The following ZNF761 variants were observed in gnomAD, a reference collection of about 807,000 sequenced individuals.
ZNF761 encodes the protein zinc finger protein 761.
Under a neutral mutation model 59.9 loss-of-function variants are expected in ZNF761, and 43 were observed. The ratio of observed to expected loss-of-function variants is 0.72; its 90% CI spans 0.56 to 0.92. The LOEUF (loss-of-function observed/expected upper bound fraction) is 0.92. Among genes scored for constraint, ZNF761 ranks in the 40% least tolerant of loss-of-function variants. The pLI is 0.00. For synonymous variants in ZNF761, 294 were observed against 304.8 expected (o/e 0.96, Z 0.37); for missense variants, 850 against 906.1 (o/e 0.94, Z 0.79).
chr19:53,450,944 G>A (rs1045485728), intron 4 of ZNF761, among the ~76,000 whole-genome samples: 3 of 149,422 alleles, frequency 2.0e-5, no homozygotes, highest in African/African-American at 5.0e-5. Context: ...GCAGTGAGCC[G>A]ATTGCACCAC....
chr19:53,452,560 A>G (rs1370301460), intron 4 of ZNF761, among the ~76,000 whole-genome samples: 1 of 152,120 alleles, frequency 6.6e-6, no homozygotes, highest in Non-Finnish European at 1.5e-5. Context: ...CTCGGTCTCA[A>G]ACACAAACAA....
At position 53,455,949 on chromosome 19, in the gene ZNF761, T is replaced by G; in HGVS notation, c.1442T>G (p.Leu481Arg). The change falls in exon 5 of 5, where the codon CTT becomes CGT. Residue 481 changes from leucine to arginine, a missense_variant. Leu to Arg is a moderately radical substitution (Grantham distance 102, BLOSUM62 -2). Transcript: ENST00000684525. The part of the protein sequence containing the change: ...CDKAFRFKSN[L>R]ERHRRIHTGE... ...AAAGCTTTCCGTTTCAAATCAAACCTTGAAAGACATAGGAGAATTCATACT... is the reference window on the plus strand; with the variant it reads ...AAAGCTTTCCGTTTCAAATCAAACCGTGAAAGACATAGGAGAATTCATACT... 3.1e-6 allele frequency: 5 copies of G among 1,613,400 alleles called. No homozygotes were observed. The highest frequency in any genetic ancestry group is 4.2e-6 in the Non-Finnish European group (5 of 1,179,834).
At chr19:53,435,289 CTTTTTTTTTTTTTTTTTTTTT>C (rs368157010) in intron 1 of ZNF761, among the ~76,000 whole-genome samples, 1 of 53,590 alleles carries the variant, frequency 1.9e-5, no homozygotes, top group African/African-American at 8.1e-5. Flanking sequence ...AATACAAGTC[CTTTTTTTTTTTTTTTTTTTTT>C]TTTTTTTTTT....
At chr19:53,449,893 T>C in intron 4 of ZNF761, 1 of 769,932 alleles carries the variant, frequency 1.3e-6, no homozygotes, top group South Asian at 2.2e-5. Flanking sequence ...GGTCTTGCTG[T>C]GTTGTTGAAA....
Position 53,456,178 on chromosome 19 carries a change from G to A in ZNF761, c.1671G>A (p.Lys557=). 6.2e-7 allele frequency: 1 copy of A among 1,613,730 alleles called. No individual in the cohort carries two copies. Among genetic ancestry groups the A allele is most frequent in the Non-Finnish European group, 8.5e-7 (1 of 1,179,940 alleles). The change falls in exon 5 of 5, where the codon AAG becomes AAA. Residue 557 remains lysine, a synonymous_variant. Coordinates refer to ENST00000684525, the MANE Select transcript of ZNF761 (RefSeq NM_001289951.2). ...CTTACAAGTGTAAGGAGTGTGGCAA[G>A]ACCTTCAATCAGCAGTTAACCCTTA... ...EKPYKCKECG[K]TFNQQLTLKR...
At position 53,455,288 on chromosome 19, in the gene ZNF761, C is replaced by G; in HGVS notation, c.781C>G (p.Arg261Gly). ...FNQKRNLACH[R>G]RCHTGENPYK... ...TCAGAAGCGAAACCTAGCATGCCAT[C>G]GTAGATGTCACACTGGTGAGAATCC... Residue 261 changes from arginine to glycine, a missense_variant, in exon 5 of 5, where the codon CGT (arginine) becomes GGT (glycine). Coordinates refer to ENST00000684525, the MANE Select transcript of ZNF761 (RefSeq NM_001289951.2). The G allele has an allele frequency of 1.2e-6, 2 of 1,614,206 alleles. No individual in the cohort carries two copies. The highest frequency in any genetic ancestry group is 1.7e-6 in the Non-Finnish European group (2 of 1,180,040).
At chr19:53,443,861 A>G (rs1481601776) in intron 1 of ZNF761, 1 of 152,682 alleles carries the variant, frequency 6.5e-6, no homozygotes, top group Middle Eastern at 3.4e-3. Context: ...TTCTGTACTA[A>G]GAAAAATTCT....
chr19:53,447,181 A>G lies in ZNF761; in HGVS notation c.-73-15A>G. On this transcript the variant is annotated splice_polypyrimidine_tract_variant and intron_variant, in intron 2 of 4. Transcript: ENST00000684525. ...GTTGATTCTGAGCAATAAACAACAT[A>G]TTTCTAACATTCAGGATTGACTTCT... 6.5e-7 allele frequency: 1 copy of G among 1,535,282 alleles called. No homozygotes were observed. The highest frequency in any genetic ancestry group is 8.9e-7 in the Non-Finnish European group (1 of 1,125,248).
chr19:53,457,068 C>A lies in ZNF761; in HGVS notation c.*320C>A, dbSNP rs1402642888. The A allele has an allele frequency of 6.4e-6, 4 of 629,612 alleles. No individual in the cohort carries two copies. Among genetic ancestry groups the A allele is most frequent in the South Asian group, 4.9e-5 (3 of 60,656 alleles). 39.0% of individuals were successfully genotyped at this position (629,612 alleles called of 1,614,324 possible). A position where few individuals can be genotyped will look rare whatever the true frequency, so the allele number is the denominator to read the frequency against. On this transcript the variant is annotated 3_prime_UTR_variant, in exon 5 of 5. Transcript: ENST00000684525. Reference sequence around the variant, plus strand: ...TGCTAGAATTCACACTGGAGAGAAACCTTACCAGTGTAATGAGTGTGGCAA... The same window carrying A: ...TGCTAGAATTCACACTGGAGAGAAAACTTACCAGTGTAATGAGTGTGGCAA...
intron 4 of ZNF761, among the ~76,000 whole-genome samples, chr19:53,453,686 G>T (rs1262900731): frequency 1.3e-5 from 2 of 152,068 alleles, no homozygotes; most frequent in African/African-American, 4.8e-5. Flanking sequence ...GGCTGGCCTG[G>T]CCAACGTGTT....
At chr19:53,449,422 A>C in intron 3 of ZNF761, 90 bp from the exon 4 acceptor site, 4 of 1,602,826 alleles carry the variant, frequency 2.5e-6, no homozygotes, top group Non-Finnish European at 3.4e-6. Flanking sequence ...ACTGCATTTA[A>C]ATCCATGCCT....
chr19:53,434,145 T>C (rs1394133872), intron 1 of ZNF761, among the ~76,000 whole-genome samples: 4 of 152,124 alleles, frequency 2.6e-5, no homozygotes, highest in African/African-American at 7.2e-5. Context: ...TGCGGTTAAG[T>C]GTGTAAATTG....
intron 1 of ZNF761, among the ~76,000 whole-genome samples, chr19:53,439,312 G>A (rs1264946710): frequency 2.0e-5 from 3 of 150,206 alleles, no homozygotes; most frequent in Non-Finnish European, 4.4e-5. Flanking sequence ...TTTTGTTGTT[G>A]TTGTTGTTTT....
At position 53,455,808 on chromosome 19, in the gene ZNF761, A is replaced by T. The variant is rs1466487872; in HGVS notation, c.1301A>T (p.Glu434Val). 6.2e-7 allele frequency: 1 copy of T among 1,613,130 alleles called. No homozygotes were observed. The highest frequency in any genetic ancestry group is 1.7e-5 in the Admixed American group (1 of 59,950). Reference protein sequence around the residue: ...NFEIHRKIHTEDNAYKCNECG... With the variant: ...NFEIHRKIHTVDNAYKCNECG... ...GAAATACATCGGAAAATTCATACTG[A>T]AGACAATGCTTACAAGTGTAATGAG... Residue 434 changes from glutamate to valine, a missense_variant, in exon 5 of 5, where the codon GAA (glutamate) becomes GTA (valine). Glu to Val is a moderately radical substitution (Grantham distance 121). Transcript: ENST00000684525.
Position 53,456,661 on chromosome 19 carries a change from C to T in ZNF761, c.2154C>T (p.Tyr718=), listed in dbSNP as rs574902970. 5 of 1,613,554 alleles carry T rather than the reference C, an allele frequency of 3.1e-6. No individual in the cohort carries two copies. The highest frequency in any genetic ancestry group is 1.3e-5 in the African/African-American group (1 of 74,866). Reference sequence around the variant, plus strand: ...GACTTCATACTGGAGAGAAACCTTACAAGTGTAATGAGTGTGGCAAGACCT... The same window carrying T: ...GACTTCATACTGGAGAGAAACCTTATAAGTGTAATGAGTGTGGCAAGACCT... ...HHRLHTGEKP[Y]KCNECGKTFS... The change falls in exon 5 of 5, where the codon TAC becomes TAT. Residue 718 remains tyrosine (Y), a synonymous_variant. Coordinates refer to ENST00000684525, the MANE Select transcript of ZNF761 (RefSeq NM_001289951.2).
At position 53,457,720 on chromosome 19, in the gene ZNF761, C is replaced by T; in HGVS notation, c.*972C>T. 1 of 187,316 alleles carries T rather than the reference C, an allele frequency of 5.3e-6. No homozygotes were observed. The highest frequency in any genetic ancestry group is 1.2e-5 in the Non-Finnish European group (1 of 84,116). The allele number at this position is 187,316 out of a possible 1,614,324, so 11.6% of individuals were successfully genotyped here. Reference sequence around the variant, plus strand: ...AAGAGGATTGGGCCAGGCACATCAGCTTACACCTGTAATCTGAGCGCTTTG... The same window carrying T: ...AAGAGGATTGGGCCAGGCACATCAGTTTACACCTGTAATCTGAGCGCTTTG... On this transcript the variant is annotated 3_prime_UTR_variant, in exon 5 of 5. Transcript: ENST00000684525.
intron 1 of ZNF761, among the ~76,000 whole-genome samples, chr19:53,434,391 C>T (rs1390532858): frequency 6.6e-6 from 1 of 152,058 alleles, no homozygotes; most frequent in African/African-American, 2.4e-5. Context: ...GTACACTAGC[C>T]CTTGTCCATT....
chr19:53,456,222 A>G lies in ZNF761; in HGVS notation c.1715A>G (p.His572Arg), dbSNP rs1199736257. The G allele has an allele frequency of 1.2e-6, 2 of 1,613,954 alleles. No individual in the cohort carries two copies. The highest frequency in any genetic ancestry group is 1.3e-5 in the African/African-American group (1 of 74,890). Residue 572 changes from histidine (H) to arginine (R), a missense_variant, in exon 5 of 5, where the codon CAT becomes CGT. His to Arg is a conservative substitution (Grantham distance 29). Transcript: ENST00000684525. ...QLTLKRHRRL[H>R]SGENPYKCED... is the part of the protein sequence containing the mutation. ...ACCCTTAAACGCCATCGTAGACTTC[A>G]TAGTGGAGAGAACCCTTACAAATGT...
In ZNF761 at chr19:53,443,141, G is replaced by A. The variant is rs180929928; in HGVS notation, c.-184-3086G>A. 517 of 179,498 alleles carry A rather than the reference G, an allele frequency of 2.9e-3. 13 individuals carry two copies. The highest frequency in any genetic ancestry group is 6.2e-4 in the Non-Finnish European group (53 of 85,710). The allele number at this position is 179,498 out of a possible 1,614,324, so 11.1% of individuals were successfully genotyped here. On this transcript the variant is annotated intron_variant, in intron 1 of 4. Transcript: ENST00000684525. ...CTAATACAAAAGTTTGATTGTTTCA[G>A]TGTGTACCTGGTAAAGAATCAGTGA... is the stretch of plus-strand genomic sequence containing the variant.
Sources: allele counts gnomAD v4.1 joint callset (sites outside exome capture counted in the v4.1 genomes callset), GRCh38; gene constraint gnomAD v4.1.1; transcripts MANE v1.5; gene names NCBI Gene and HGNC (gene_info 2026-07-23, HGNC 2026-07-21).